Variants in SEC22A observed in about 807,000 individuals in gnomAD.
SEC22A encodes SEC22 homolog A, vesicle trafficking protein.
In SEC22A, 22 loss-of-function variants were observed where a neutral mutation model predicts 35.3. The ratio of observed to expected loss-of-function variants is 0.62; its 90% CI spans 0.45 to 0.89. SEC22A has a LOEUF of 0.89. Ranked by LOEUF, SEC22A falls within the 40% of genes least tolerant of loss-of-function variation. SEC22A has a pLI of 0.00. For synonymous variants in SEC22A, 119 were observed against 129.5 expected, an observed-to-expected ratio of 0.92 and a Z score of 0.55; for missense variants, 354 against 362.5, an observed-to-expected ratio of 0.98 and a Z score of 0.19.
At chr3:123,217,882 A>T (rs1937060663) in intron 2 of SEC22A, among the ~76,000 whole-genome samples, 2 of 152,170 alleles carry the variant, frequency 1.3e-5, no homozygotes. Context: ...AGAGCCTATG[A>T]AGTAGAATGC....
chr3:123,257,056 C>T (rs757092707), intron 5 of SEC22A, among the ~76,000 whole-genome samples: 3 of 151,986 alleles, frequency 2.0e-5, no homozygotes, highest in Non-Finnish European at 4.4e-5. Flanking sequence ...ACCGCCCTGG[C>T]TGGACTTAAC....
chr3:123,225,616 AC>A (rs1937206964), intron 4 of SEC22A, among the ~76,000 whole-genome samples: 1 of 152,188 alleles, frequency 6.6e-6, no homozygotes, highest in South Asian at 2.1e-4. Context: ...ATATTTTGAT[AC>A]AGGTATGCAA....
chr3:123,205,716 G>C (rs1936841514), intron 1 of SEC22A, among the ~76,000 whole-genome samples: 1 of 152,040 alleles, frequency 6.6e-6, no homozygotes, highest in African/African-American at 2.4e-5. Context: ...ACAAAAAAAG[G>C]AGTATTTGAA....
At chr3:123,233,993 GA>G (rs1480323481) in intron 4 of SEC22A, among the ~76,000 whole-genome samples, 4 of 152,156 alleles carry the variant, frequency 2.6e-5, no homozygotes, top group African/African-American at 9.7e-5. Flanking sequence ...ACTAATAAAT[GA>G]GTTCAGTGAG....
chr3:123,267,176 T>C (rs972242040), intron 6 of SEC22A, among the ~76,000 whole-genome samples: 15 of 152,188 alleles, frequency 9.9e-5, no homozygotes, highest in African/African-American at 3.4e-4. Context: ...CAGCATGGGG[T>C]TGATTCATGT....
rs145775139 is a variant in SEC22A at position 123,245,494 on chromosome 3, A to G, written c.542-405A>G. 5.4e-3 allele frequency among the ~76,000 whole-genome samples: 827 copies of G among 152,192 alleles called. 9 individuals are homozygous for G. The highest frequency in any genetic ancestry group is 0.019 in the African/African-American group (797 of 41,524). Reference sequence around the variant, plus strand: ...AGGATCACTTGAGGCCGGGAGTTCAAGACCAGCTTGGGCAACATAGTGAGA... The same window carrying G: ...AGGATCACTTGAGGCCGGGAGTTCAGGACCAGCTTGGGCAACATAGTGAGA... On this transcript the variant is annotated intron_variant, in intron 4 of 6. Transcript: ENST00000492595.
intron 1 of SEC22A, 36 bp from the exon 2 acceptor site, chr3:123,209,163 A>G (rs1559750232): frequency 1.3e-6 from 2 of 1,561,618 alleles, no homozygotes; most frequent in East Asian, 4.5e-5. Flanking sequence ...TTTGGCTTTA[A>G]TTTTTATGTA....
intron 4 of SEC22A, among the ~76,000 whole-genome samples, chr3:123,240,550 G>A (rs761110366): frequency 3.9e-5 from 6 of 152,134 alleles, no homozygotes; most frequent in Non-Finnish European, 8.8e-5. Context: ...GCTGATGGAC[G>A]TAAACTTGTT....
intron 6 of SEC22A, among the ~76,000 whole-genome samples, chr3:123,266,143 T>C (rs1470446867): frequency 6.6e-6 from 1 of 152,146 alleles, no homozygotes; most frequent in East Asian, 1.9e-4. Flanking sequence ...TGTAGTGGTA[T>C]CTCCTGTTTC....
intron 6 of SEC22A, among the ~76,000 whole-genome samples, chr3:123,259,907 C>G (rs1003251786): frequency 1.3e-5 from 2 of 151,862 alleles, no homozygotes; most frequent in African/African-American, 4.8e-5. Context: ...CCGAGGTGGG[C>G]AGATCACTTG....
chr3:123,206,254 C>A (rs1446708269), intron 1 of SEC22A, among the ~76,000 whole-genome samples: 1 of 152,094 alleles, frequency 6.6e-6, no homozygotes, highest in African/African-American at 2.4e-5. Flanking sequence ...CCACCATGCC[C>A]AGCTGATTTT....
intron 4 of SEC22A, among the ~76,000 whole-genome samples, chr3:123,226,973 G>A (rs947354701): frequency 3.9e-5 from 6 of 152,068 alleles, no homozygotes; most frequent in African/African-American, 1.4e-4. Context: ...ATATTTATAG[G>A]CATGTAAAGT....
intron 5 of SEC22A, among the ~76,000 whole-genome samples, chr3:123,247,395 G>A (rs1937576027): frequency 6.6e-6 from 1 of 152,156 alleles, no homozygotes; most frequent in Non-Finnish European, 1.5e-5. Flanking sequence ...GGCTTAGACT[G>A]CATTAACTTT....
At chr3:123,263,085 A>G (rs1002965560) in intron 6 of SEC22A, among the ~76,000 whole-genome samples, 1 of 152,172 alleles carries the variant, frequency 6.6e-6, no homozygotes, top group Non-Finnish European at 1.5e-5. Flanking sequence ...CCGCTCCTTA[A>G]TCTCTGGCAA....
At chr3:123,231,045 G>A (rs566661213) in intron 4 of SEC22A, among the ~76,000 whole-genome samples, 24 of 152,190 alleles carry the variant, frequency 1.6e-4, no homozygotes, top group African/African-American at 4.8e-4. Flanking sequence ...TGGACTTTAC[G>A]ACAAACATTG....
intron 4 of SEC22A, among the ~76,000 whole-genome samples, chr3:123,226,676 C>G (rs1053374603): frequency 6.6e-6 from 1 of 152,160 alleles, no homozygotes; most frequent in African/African-American, 2.4e-5. Flanking sequence ...GTTGTCTCTT[C>G]ACTTTGTTGT....
chr3:123,257,661 TG>T (rs1937765284), intron 5 of SEC22A, among the ~76,000 whole-genome samples: 1 of 151,720 alleles, frequency 6.6e-6, no homozygotes, highest in African/African-American at 2.4e-5. Context: ...ATCGCGCCAC[TG>T]CATTCCAGGC....
intron 2 of SEC22A, among the ~76,000 whole-genome samples, chr3:123,220,806 A>G (rs1448377732): frequency 6.7e-6 from 1 of 149,290 alleles, no homozygotes; most frequent in Non-Finnish European, 1.5e-5. Context: ...ACCACTAGTA[A>G]TAGACGACTA....
intron 4 of SEC22A, among the ~76,000 whole-genome samples, chr3:123,236,892 A>G (rs1175107296): frequency 6.6e-6 from 1 of 152,194 alleles, no homozygotes. Flanking sequence ...GATAACTTTG[A>G]AAGGATGAAA....
Sources: allele counts gnomAD v4.1 joint callset (sites outside exome capture counted in the v4.1 genomes callset), GRCh38; gene constraint gnomAD v4.1.1; transcripts MANE v1.5; gene names NCBI Gene and HGNC (gene_info 2026-07-23, HGNC 2026-07-21).